Variants in ITPR2 observed in about 807,000 individuals in gnomAD.
ITPR2 encodes the protein inositol 1,4,5-trisphosphate-gated calcium channel ITPR2.
In ITPR2, 207 loss-of-function variants were observed where a neutral mutation model predicts 317.1. That is an observed-to-expected ratio of 0.65 (90% CI 0.58 to 0.73). The LOEUF (loss-of-function observed/expected upper bound fraction) is 0.73, where lower values mean the gene tolerates loss of function less well. ITPR2 is among the 30% of genes least tolerant of loss of function. The probability of loss-of-function intolerance (pLI) is 0.00; values close to 1 mark genes in which losing one functional copy is unlikely to be tolerated. For missense variants in ITPR2, 2,613 were observed against 3,284.0 expected, an observed-to-expected ratio of 0.80 and a Z score of 4.99; for synonymous variants, 1,156 against 1,149.1, an observed-to-expected ratio of 1.01 and a Z score of -0.12.
intron 49 of ITPR2, among the ~76,000 whole-genome samples, chr12:26,424,736 C>T (rs957558109): frequency 4.3e-4 from 65 of 151,230 alleles, no homozygotes; most frequent in East Asian, 3.9e-4. Flanking sequence ...ATTACAGGCA[C>T]GAGCCACCAT....
chr12:26,627,187 A>G (rs1946640892), intron 23 of ITPR2: 1 of 152,226 alleles, frequency 6.6e-6, no homozygotes, highest in African/African-American at 2.4e-5. Flanking sequence ...CAACAACCAC[A>G]TTCAAGTCTT....
rs373705010 is a variant in ITPR2, at chr12:26,778,322, T to C, written c.163+11835A>G. Among the ~76,000 whole-genome samples the C allele has an allele frequency of 6.6e-4, 101 of 152,272 alleles. 1 individual carries two copies. The highest frequency in any genetic ancestry group is 3.4e-3 in the Middle Eastern group (1 of 294). Reference sequence around the variant, plus strand: ...ACTTGAAAGACACAGGGGTGATGATTCACATCACATCCCCGTTCAACTCCC... The same window carrying C: ...ACTTGAAAGACACAGGGGTGATGATCCACATCACATCCCCGTTCAACTCCC... On this transcript the variant is annotated intron_variant, in intron 2 of 56. Coordinates refer to ENST00000381340, the MANE Select transcript of ITPR2 (RefSeq NM_002223.4).
intron 15 of ITPR2, among the ~76,000 whole-genome samples, chr12:26,662,657 A>G (rs1947528860): frequency 6.6e-6 from 1 of 152,174 alleles, no homozygotes; most frequent in Admixed American, 6.5e-5. Flanking sequence ...ACACATTGCA[A>G]AATATTAAGC....
intron 55 of ITPR2, among the ~76,000 whole-genome samples, chr12:26,345,155 T>C (rs528091535): frequency 3.9e-5 from 6 of 152,282 alleles, no homozygotes; most frequent in African/African-American, 1.2e-4. Flanking sequence ...TTGAATGCTT[T>C]ACATTTCTCA....
At chr12:26,620,987 G>T in intron 26 of ITPR2, 136 bp downstream of exon 26, 1 of 717,202 alleles carries the variant, frequency 1.4e-6, no homozygotes, top group Non-Finnish European at 2.3e-6. Context: ...TGACAACTTA[G>T]CAAATGAAAA....
intron 37 of ITPR2, among the ~76,000 whole-genome samples, chr12:26,535,131 TCA>T (rs1168069598): frequency 2.0e-5 from 3 of 152,170 alleles, no homozygotes; most frequent in African/African-American, 7.2e-5. Context: ...TATCAAAATA[TCA>T]CACAGTACCC....
At chr12:26,505,740 A>G (rs1377186778) in intron 37 of ITPR2, among the ~76,000 whole-genome samples, 1 of 152,098 alleles carries the variant, frequency 6.6e-6, no homozygotes, top group Non-Finnish European at 1.5e-5. Flanking sequence ...CCTAGCCCCA[A>G]AGCTAGCAAA....
intron 9 of ITPR2, among the ~76,000 whole-genome samples, chr12:26,705,358 C>T (rs732149): frequency 0.23 from 35,434 of 152,022 alleles, 4,831 homozygotes; most frequent in East Asian, 0.56. Flanking sequence ...TCCTCCTTTG[C>T]GAAGTTCTCT....
chr12:26,449,018 A>C (rs1038705354), intron 45 of ITPR2, among the ~76,000 whole-genome samples: 1 of 152,150 alleles, frequency 6.6e-6, no homozygotes, highest in African/African-American at 2.4e-5. Flanking sequence ...TTATCTTCTT[A>C]TCACTAGGAT....
chr12:26,444,042 T>C (rs892323058), intron 45 of ITPR2, among the ~76,000 whole-genome samples: 10 of 152,130 alleles, frequency 6.6e-5, no homozygotes, highest in African/African-American at 2.4e-4. Context: ...CATAAATAGG[T>C]ATCTGTATTT....
intron 9 of ITPR2, among the ~76,000 whole-genome samples, chr12:26,708,662 G>A (rs1025411177): frequency 7.9e-5 from 12 of 152,086 alleles, no homozygotes; most frequent in Non-Finnish European, 1.5e-4. Flanking sequence ...AATATAGTTC[G>A]ACAGAAGGAG....
intron 37 of ITPR2, among the ~76,000 whole-genome samples, chr12:26,528,121 G>C (rs1037585259): frequency 2.0e-5 from 3 of 152,124 alleles, no homozygotes; most frequent in Non-Finnish European, 4.4e-5. Flanking sequence ...TTAGGTTGGG[G>C]GGAAATATTA....
chr12:26,721,505 A>G (rs1169760278), intron 5 of ITPR2, among the ~76,000 whole-genome samples: 1 of 152,180 alleles, frequency 6.6e-6, no homozygotes, highest in Admixed American at 6.6e-5. Context: ...CTTCGAATTC[A>G]TGTTAATTTT....
chr12:26,620,156 G>C (rs1309379146), intron 26 of ITPR2, among the ~76,000 whole-genome samples: 1 of 152,146 alleles, frequency 6.6e-6, no homozygotes, highest in Non-Finnish European at 1.5e-5. Context: ...CTGCCAATGA[G>C]ATAAACTCAT....
intron 55 of ITPR2, among the ~76,000 whole-genome samples, chr12:26,383,927 AC>A (rs36115456): frequency 0.26 from 39,381 of 152,088 alleles, 5,276 homozygotes; most frequent in Non-Finnish European, 0.3. Flanking sequence ...ATGAGGAAGG[AC>A]TTTTCACATT....
intron 37 of ITPR2, among the ~76,000 whole-genome samples, chr12:26,528,696 C>T (rs916585402): frequency 1.1e-4 from 17 of 152,202 alleles, no homozygotes; most frequent in Non-Finnish European, 2.2e-4. Flanking sequence ...CAAAGGGGGA[C>T]ATGTTTCTCC....
At chr12:26,785,917 C>T (rs1399923104) in intron 2 of ITPR2, among the ~76,000 whole-genome samples, 52 of 58,156 alleles carry the variant, frequency 8.9e-4, no homozygotes, top group African/African-American at 2.8e-3. Flanking sequence ...AAGTGAGGAG[C>T]CCCTCTGCCC....
intron 45 of ITPR2, among the ~76,000 whole-genome samples, chr12:26,444,058 G>C (rs1413857829): frequency 6.6e-6 from 1 of 152,158 alleles, no homozygotes; most frequent in Admixed American, 6.6e-5. Context: ...TATTTCAGAA[G>C]AGTTTCTCTT....
intron 37 of ITPR2, among the ~76,000 whole-genome samples, chr12:26,513,758 AC>A (rs1943418164): frequency 1.3e-5 from 2 of 151,500 alleles, no homozygotes; most frequent in Non-Finnish European, 2.9e-5. Context: ...TCACACACAC[AC>A]ACACACACAC....
Sources: gnomAD v4.1 joint callset for allele counts (sites outside exome capture counted in the v4.1 genomes callset) on GRCh38, gnomAD v4.1.1 for gene constraint, MANE v1.5 for transcripts, NCBI Gene and HGNC (gene_info 2026-07-23, HGNC 2026-07-21) for gene names.